Variants in TRERF1 observed in about 807,000 individuals in gnomAD.
TRERF1 encodes the protein transcriptional regulating factor 1.
TRERF1 carries 27 observed loss-of-function variants against 122.9 expected under a neutral mutation model. That is an observed-to-expected ratio of 0.22 (90% confidence interval 0.16 to 0.30). TRERF1 has a LOEUF of 0.30. TRERF1 is among the 10% of genes least tolerant of loss of function. The probability of loss-of-function intolerance (pLI) is 1.00; values close to 1 mark genes in which losing one functional copy is unlikely to be tolerated. For synonymous variants in TRERF1, 636 were observed against 641.7 expected (o/e 0.99, Z 0.13); for missense variants, 1,248 against 1,560.3 (o/e 0.80, Z 3.37).
chr6:42,425,218 C>T (rs1480227003), intron 2 of TRERF1, among the ~76,000 whole-genome samples: 2 of 152,198 alleles, frequency 1.3e-5, no homozygotes, highest in African/African-American at 2.4e-5. Context: ...AACAACTGCT[C>T]TTGTGAATTG....
intron 4 of TRERF1, among the ~76,000 whole-genome samples, chr6:42,280,984 C>G (rs1482395601): frequency 5.3e-5 from 8 of 152,196 alleles, no homozygotes; most frequent in African/African-American, 1.9e-4. Flanking sequence ...TTCCCACTGT[C>G]TGGTGCTTTG....
intron 3 of TRERF1, among the ~76,000 whole-genome samples, chr6:42,359,277 C>A (rs1393864499): frequency 6.6e-6 from 1 of 152,162 alleles, no homozygotes; most frequent in East Asian, 1.9e-4. Context: ...GAAGTGGATG[C>A]CCAAGACTAG....
rs1313837448 is a variant in TRERF1 at position 42,228,603 on chromosome 6, CTGT to C, written c.3342_3344del (p.Gln1115del). ...AAGCCGCCTTCTGAGCCTTTTGCCT[CTGT>C]TGTTCCTCCTGCTGCCTGTGAGTTT... On this transcript the variant is annotated inframe_deletion, in exon 18 of 18. Transcript: ENST00000372922. This position sits in a 1 kb window ranked among gnomAD's most constrained non-coding sequence, Gnocchi z 4.2. 1.2e-6 allele frequency: 2 copies of C among 1,614,046 alleles called. No homozygotes were observed. The highest frequency in any genetic ancestry group is 2.2e-5 in the East Asian group (1 of 44,898).
chr6:42,289,846 T>C (rs1441495098), intron 4 of TRERF1, among the ~76,000 whole-genome samples: 1 of 152,108 alleles, frequency 6.6e-6, no homozygotes, highest in East Asian at 1.9e-4. Flanking sequence ...CCAGGCCAGA[T>C]AGCTTGGATG....
chr6:42,254,965 C>T (rs775462438), intron 12 of TRERF1, 39 bp from the exon 13 acceptor site: 1 of 1,599,396 alleles, frequency 6.3e-7, no homozygotes, highest in Non-Finnish European at 8.6e-7. Context: ...GAGTCAGCAA[C>T]TGGTCTGTGT....
In TRERF1 at chr6:42,263,504, G is replaced by A. The variant is rs371824643; in HGVS notation, c.1700C>T (p.Pro567Leu). 3.3e-5 allele frequency: 51 copies of A among 1,560,156 alleles called. No individual in the cohort carries two copies. The highest frequency in any genetic ancestry group is 9.6e-5 in the African/African-American group (7 of 72,620). Residue 567 changes from proline to leucine, a missense_variant, in exon 8 of 18, where the codon CCG becomes CTG. Pro to Leu is a moderately conservative substitution (Grantham distance 98). This residue lies in a region of TRERF1 where 946 missense variants were observed against 1,073.0 expected (regional missense o/e 0.88). Coordinates refer to ENST00000372922, the Ensembl canonical transcript of TRERF1. The surrounding 1 kb of genome is among the most constrained non-coding windows in gnomAD (Gnocchi z 5.6). ...CTCGGGAGGGAGCTGTGGTGGCGGC[G>A]GAGGCGGAGGCGGAGGCGGCAGTGG...
rs1419280008 is a variant in TRERF1 at position 42,322,543 on chromosome 6, A to T, written c.-370-21794T>A. 3.3e-5 allele frequency among the ~76,000 whole-genome samples: 5 copies of T among 152,196 alleles called. No individual in the cohort carries two copies. In the East Asian group the frequency reaches 9.6e-4, roughly 29 times the overall value. ...CGTGGGGTTGTATATTGGGACAGAT[A>T]ACTAAGCCTGCTAAGCTTGACTCTC... On this transcript the variant is annotated intron_variant, in intron 3 of 17. Coordinates refer to ENST00000372922, the Ensembl canonical transcript of TRERF1.
chr6:42,261,537 A>C (rs1777872508), intron 8 of TRERF1, among the ~76,000 whole-genome samples: 1 of 152,078 alleles, frequency 6.6e-6, no homozygotes, highest in South Asian at 2.1e-4. Flanking sequence ...AGCTGCCCAC[A>C]GAGAAGGATG....
intron 3 of TRERF1, among the ~76,000 whole-genome samples, chr6:42,309,429 C>G (rs1002082501): frequency 6.6e-6 from 1 of 152,204 alleles, no homozygotes; most frequent in African/African-American, 2.4e-5. Context: ...TTTTTTCTCT[C>G]TCCCTACTCT....
At chr6:42,251,103 T>C (rs1775724326) in intron 13 of TRERF1, among the ~76,000 whole-genome samples, 1 of 147,014 alleles carries the variant, frequency 6.8e-6, no homozygotes, top group Non-Finnish European at 1.5e-5. Flanking sequence ...TTCAGGCAAC[T>C]CTCTTGCTCA....
At chr6:42,357,413 G>A (rs186366909) in intron 3 of TRERF1, among the ~76,000 whole-genome samples, 289 of 151,908 alleles carry the variant, frequency 1.9e-3, no homozygotes, top group African/African-American at 6.3e-3. Flanking sequence ...CACAGATGAG[G>A]CTACTAGAAG....
At chr6:42,234,491 C>G (rs984171111) in intron 16 of TRERF1, among the ~76,000 whole-genome samples, 1 of 152,072 alleles carries the variant, frequency 6.6e-6, no homozygotes, top group Non-Finnish European at 1.5e-5. Flanking sequence ...GCGCGCACCA[C>G]CACGCCCAGG....
chr6:42,227,206 A>G (rs1769669151), exon 18 of TRERF1: 1 of 152,224 alleles, frequency 6.6e-6, no homozygotes, highest in South Asian at 2.1e-4. Flanking sequence ...GCTAAGGTGT[A>G]TCTGAAGCCA....
Position 42,275,350 on chromosome 6 carries a change from T to G in TRERF1, c.-258-5502A>C, listed in dbSNP as rs1780972444. Among the ~76,000 whole-genome samples the G allele has an allele frequency of 6.6e-6, 1 of 152,234 alleles. No homozygotes were observed. The highest frequency in any genetic ancestry group is 6.5e-5 in the Admixed American group (1 of 15,288). On this transcript the variant is annotated intron_variant, in intron 4 of 17. Transcript: ENST00000372922. The surrounding 1 kb of genome is among the most constrained non-coding windows in gnomAD (Gnocchi z 4.1). Reference sequence around the variant, plus strand: ...TACCTTCCCATTTCTTCGGTCAATTTCTTCCTTAGAGCAGGACTCCAGGAT... The same window carrying G: ...TACCTTCCCATTTCTTCGGTCAATTGCTTCCTTAGAGCAGGACTCCAGGAT...
chr6:42,449,426 TC>T (rs1185388624), intron 2 of TRERF1, among the ~76,000 whole-genome samples: 43 of 149,728 alleles, frequency 2.9e-4, no homozygotes, highest in Admixed American at 2.3e-3. Context: ...TCATGGGCCT[TC>T]AAGCCTTTAT....
chr6:42,440,302 A>G (rs1250456795), intron 2 of TRERF1, among the ~76,000 whole-genome samples: 1 of 152,174 alleles, frequency 6.6e-6, no homozygotes, highest in African/African-American at 2.4e-5. Context: ...TTCTAAAGGC[A>G]GCATAGTCTA....
At chr6:42,251,084 C>G (rs1356003168) in intron 13 of TRERF1, among the ~76,000 whole-genome samples, 3 of 149,780 alleles carry the variant, frequency 2.0e-5, no homozygotes, top group Non-Finnish European at 4.4e-5. Flanking sequence ...ATAGCCTACG[C>G]CTCTTGGGTT....
At chr6:42,359,139 C>G (rs1771203259) in intron 3 of TRERF1, among the ~76,000 whole-genome samples, 1 of 152,164 alleles carries the variant, frequency 6.6e-6, no homozygotes, top group Non-Finnish European at 1.5e-5. Flanking sequence ...CCAACCAGTG[C>G]TCTCCGCACC....
At position 42,294,323 on chromosome 6, in the gene TRERF1, C is replaced by T. The variant is rs182461575; in HGVS notation, c.-259+6315G>A. On this transcript the variant is annotated intron_variant, in intron 4 of 17. Coordinates refer to ENST00000372922, the Ensembl canonical transcript of TRERF1. ...CTTCCTGAGTAGCTGGGATTACAGG[C>T]GTGCGCCACCACGCCCGGCTAATTT... Among the ~76,000 whole-genome samples the T allele has an allele frequency of 8.9e-3, 1,352 of 151,588 alleles. 11 individuals carry two copies. Among genetic ancestry groups the T allele is most frequent in the Non-Finnish European group, 0.014 (924 of 67,924 alleles).
Sources: allele counts gnomAD v4.1 joint callset (sites outside exome capture counted in the v4.1 genomes callset), GRCh38; gene constraint gnomAD v4.1.1; regional missense constraint gnomAD v4.1.1; non-coding constraint Gnocchi (gnomAD v3.1); transcripts MANE v1.5; gene names NCBI Gene and HGNC (gene_info 2026-07-23, HGNC 2026-07-21).